ZNF469: variants seen among roughly 807,000 people sequenced by gnomAD.
ZNF469 encodes zinc finger protein 469.
Under a neutral mutation model 1.0 loss-of-function variants are expected in ZNF469, and 1 was observed. That is an observed-to-expected ratio of 1.00 (90% CI 0.35 to 4.73). The LOEUF is 4.73. Among genes scored for constraint, ZNF469 ranks in the 30% most tolerant of loss-of-function variants. ZNF469 has a pLI of 0.16. For synonymous variants in ZNF469, 2,703 were observed against 2,363.4 expected (o/e 1.14, Z -4.17); for missense variants, 6,100 against 5,356.3 (o/e 1.14, Z -4.33).
chr16:88,256,587 G>A, the ZNF469 span, among the ~76,000 whole-genome samples: 1 of 152,160 alleles, frequency 6.6e-6, no homozygotes, highest in Non-Finnish European at 1.5e-5. Flanking sequence ...TAATTACTGG[G>A]TGGTATGGTA....
At chr16:88,397,621 G>A (rs78386591) in intron 1 of ZNF469, among the ~76,000 whole-genome samples, 37,405 of 145,772 alleles carry the variant, frequency 0.26, 5,311 homozygotes, top group African/African-American at 0.4. Flanking sequence ...GGATGGATGG[G>A]TGGATGGATG....
the ZNF469 span, among the ~76,000 whole-genome samples, chr16:88,262,394 G>C: frequency 6.6e-6 from 1 of 152,200 alleles, no homozygotes; most frequent in East Asian, 1.9e-4. The surrounding 1 kb of genome is among the most constrained non-coding windows in gnomAD (Gnocchi z 4.3). Context: ...GGGGCCATTT[G>C]GGGCAGTGGC....
chr16:88,301,415 A>G, the ZNF469 span, among the ~76,000 whole-genome samples: 1 of 152,058 alleles, frequency 6.6e-6, no homozygotes, highest in African/African-American at 2.4e-5. Context: ...CGGCCTCCCA[A>G]AGTGCTGGGA....
chr16:88,434,034 G>A lies in ZNF469; in HGVS notation c.6564G>A (p.Gly2188=). 6.5e-7 allele frequency: 1 copy of A among 1,550,296 alleles called. No individual in the cohort carries two copies. The highest frequency in any genetic ancestry group is 8.7e-7 in the Non-Finnish European group (1 of 1,146,894). The part of the protein sequence containing the change: ...ADGVQATTDT[G]AEDSPVAPPS... ...GCGTCCAAGCCACGACAGATACTGGGGCTGAGGATTCCCCGGTGGCTCCCC... is the reference window on the plus strand; with the variant it reads ...GCGTCCAAGCCACGACAGATACTGGAGCTGAGGATTCCCCGGTGGCTCCCC... Residue 2188 remains glycine (G), a synonymous_variant, in exon 3 of 3, where the codon GGG becomes GGA. Transcript: ENST00000565624.
the ZNF469 span, among the ~76,000 whole-genome samples, chr16:88,288,187 G>A: frequency 6.6e-6 from 1 of 152,104 alleles, no homozygotes; most frequent in African/African-American, 2.4e-5. Context: ...TCTGTACCTT[G>A]CTCTTGTGTT....
At chr16:88,123,872 C>T in the ZNF469 span, among the ~76,000 whole-genome samples, 5 of 151,804 alleles carry the variant, frequency 3.3e-5, no homozygotes, top group East Asian at 1.9e-4. Flanking sequence ...GGAGCAGTGT[C>T]GGCTAACTGC....
At chr16:88,200,472 G>A in the ZNF469 span, among the ~76,000 whole-genome samples, 1 of 152,244 alleles carries the variant, frequency 6.6e-6, no homozygotes, top group South Asian at 2.1e-4. Flanking sequence ...CCGGCAGGGA[G>A]CGAATGCACT....
the ZNF469 span, among the ~76,000 whole-genome samples, chr16:88,301,265 C>A: frequency 6.6e-6 from 1 of 152,010 alleles, no homozygotes; most frequent in African/African-American, 2.4e-5. Context: ...CACCATTCTC[C>A]TGCCTCATCC....
chr16:88,338,056 G>A, the ZNF469 span, among the ~76,000 whole-genome samples: 4 of 152,304 alleles, frequency 2.6e-5, 1 homozygote, highest in African/African-American at 9.6e-5. Context: ...GAAAAGTGCT[G>A]TCACTTGGCC....
chr16:88,232,934 G>A, the ZNF469 span, among the ~76,000 whole-genome samples: 2 of 152,214 alleles, frequency 1.3e-5, no homozygotes, highest in African/African-American at 2.4e-5. Flanking sequence ...TCTGGCCGCC[G>A]CCTAGCAGGC....
At chr16:88,212,411 T>A in the ZNF469 span, among the ~76,000 whole-genome samples, 9 of 152,290 alleles carry the variant, frequency 5.9e-5, no homozygotes, top group African/African-American at 2.2e-4. Flanking sequence ...TTTTACATCA[T>A]CTCATTTTCA....
chr16:88,225,047 T>C, the ZNF469 span, among the ~76,000 whole-genome samples: 1 of 152,320 alleles, frequency 6.6e-6, no homozygotes, highest in South Asian at 2.1e-4. Flanking sequence ...TGCTCCCCAC[T>C]GTACATCCTC....
the ZNF469 span, among the ~76,000 whole-genome samples, chr16:88,248,173 G>C: frequency 6.6e-6 from 1 of 152,078 alleles, no homozygotes; most frequent in African/African-American, 2.4e-5. Context: ...AAATAGAATT[G>C]GCCATTTTTA....
chr16:88,427,064 C>T (rs1386057009), intron 2 of ZNF469, among the ~76,000 whole-genome samples: 1 of 152,112 alleles, frequency 6.6e-6, no homozygotes, highest in Admixed American at 6.5e-5. Flanking sequence ...AGAAAGCTCC[C>T]CCTCCCTCCC....
At chr16:88,205,114 A>G in the ZNF469 span, among the ~76,000 whole-genome samples, 1 of 152,310 alleles carries the variant, frequency 6.6e-6, no homozygotes, top group South Asian at 2.1e-4. This position sits in a 1 kb window ranked among gnomAD's most constrained non-coding sequence, Gnocchi z 4.2. Flanking sequence ...CTGTACCCCA[A>G]TATTTCACTG....
the ZNF469 span, among the ~76,000 whole-genome samples, chr16:88,371,942 TCATCACCATCAC>T: frequency 3.0e-4 from 2 of 6,604 alleles, no homozygotes; most frequent in African/African-American, 8.3e-4. Context: ...ATCACCACCA[TCATCACCATCAC>T]CACCATCATC....
At chr16:88,135,343 C>G in the ZNF469 span, among the ~76,000 whole-genome samples, 1 of 152,248 alleles carries the variant, frequency 6.6e-6, no homozygotes, top group African/African-American at 2.4e-5. Context: ...ATTCCAGGCT[C>G]ACTGAGAAGT....
At chr16:88,118,565 G>C in the ZNF469 span, among the ~76,000 whole-genome samples, 1 of 152,190 alleles carries the variant, frequency 6.6e-6, no homozygotes, top group Non-Finnish European at 1.5e-5. Flanking sequence ...GGGTGATGGC[G>C]CGCAGGGGTC....
At position 88,436,890 on chromosome 16, in the gene ZNF469, G is replaced by A; in HGVS notation, c.9420G>A (p.Ala3140=). ...LDLHKLAHTP[A]PPPTCYMCVE... ...TGCACAAGCTGGCCCACACGCCCGC[G>A]CCGCCGCCCACCTGCTACATGTGCG... The change falls in exon 3 of 3, where the codon GCG becomes GCA. Residue 3140 remains alanine (A), a synonymous_variant. Coordinates refer to ENST00000565624, the MANE Select transcript of ZNF469 (RefSeq NM_001367624.2). 2.0e-6 allele frequency: 3 copies of A among 1,504,904 alleles called. No homozygotes were observed. The highest frequency in any genetic ancestry group is 2.5e-5 in the East Asian group (1 of 40,426). The allele number at this position is 1,504,904 out of a possible 1,614,324, so 93.2% of individuals were successfully genotyped here.
Sources: gnomAD v4.1 joint callset for allele counts (sites outside exome capture counted in the v4.1 genomes callset) on GRCh38, gnomAD v4.1.1 for gene constraint, Gnocchi (gnomAD v3.1) non-coding constraint, MANE v1.5 for transcripts, NCBI Gene and HGNC (gene_info 2026-07-23, HGNC 2026-07-21) for gene names.